FAM219A: variants seen among roughly 807,000 people sequenced by gnomAD.
FAM219A encodes protein FAM219A.
FAM219A carries 7 observed loss-of-function variants against 23.4 expected under a neutral mutation model. The ratio of observed to expected loss-of-function variants is 0.30; its 90% confidence interval spans 0.17 to 0.56. The LOEUF (loss-of-function observed/expected upper bound fraction) is 0.56, where lower values mean the gene tolerates loss of function less well. FAM219A is among the 20% of genes least tolerant of loss of function. FAM219A has a pLI of 0.92. For synonymous variants in FAM219A, 93 were observed against 99.0 expected (o/e 0.94, Z 0.36); for missense variants, 166 against 246.9 (o/e 0.67, Z 2.20).
chr9:34,419,767 T>C lies in FAM219A; in HGVS notation c.61-13803A>G, dbSNP rs575425096. Among the ~76,000 whole-genome samples the C allele has an allele frequency of 5.9e-5, 9 of 152,312 alleles. No individual in the cohort carries two copies. The South Asian group carries it at 1.9e-3, about 32-fold the overall frequency. Reference sequence around the variant, plus strand: ...CTGGCCTGCACTGGTTCATAAATCTTTGGGGCTCCTTGATTTGCAGGAAAG... The same window carrying C: ...CTGGCCTGCACTGGTTCATAAATCTCTGGGGCTCCTTGATTTGCAGGAAAG... On this transcript the variant is annotated intron_variant, in intron 1 of 5. Transcript: ENST00000651358.
chr9:34,455,774 AG>A (rs1039776049), intron 1 of FAM219A, among the ~76,000 whole-genome samples: 3 of 152,328 alleles, frequency 2.0e-5, no homozygotes, highest in African/African-American at 4.8e-5. Context: ...GGGTATTTAA[AG>A]GGTTTTGAGG....
intron 1 of FAM219A, among the ~76,000 whole-genome samples, chr9:34,443,161 GC>G (rs555042865): frequency 5.8e-4 from 88 of 152,222 alleles, no homozygotes; most frequent in African/African-American, 1.8e-3. Flanking sequence ...GCCTCCTCTA[GC>G]CCACTGACAT....
At chr9:34,431,504 T>C (rs1822702165) in intron 1 of FAM219A, among the ~76,000 whole-genome samples, 1 of 152,196 alleles carries the variant, frequency 6.6e-6, no homozygotes, top group South Asian at 2.1e-4. Flanking sequence ...TTTGTTTCCC[T>C]CATAGATACC....
chr9:34,432,683 C>G (rs1399665487), intron 1 of FAM219A, among the ~76,000 whole-genome samples: 1 of 152,182 alleles, frequency 6.6e-6, no homozygotes, highest in Non-Finnish European at 1.5e-5. Flanking sequence ...TCTGACCTCT[C>G]TCTCCAGACC....
At chr9:34,429,345 G>A (rs1468890043) in intron 1 of FAM219A, among the ~76,000 whole-genome samples, 1 of 152,158 alleles carries the variant, frequency 6.6e-6, no homozygotes, top group Non-Finnish European at 1.5e-5. Context: ...ATTCAGAGCA[G>A]GGCTGGTTGA....
chr9:34,428,137 G>A (rs890012418), intron 1 of FAM219A, among the ~76,000 whole-genome samples: 24 of 152,350 alleles, frequency 1.6e-4, no homozygotes, highest in South Asian at 2.1e-4. Flanking sequence ...TTTGGAGGGA[G>A]ATAGGAGTGG....
chr9:34,423,277 G>A (rs1822345337), intron 1 of FAM219A, among the ~76,000 whole-genome samples: 1 of 152,192 alleles, frequency 6.6e-6, no homozygotes, highest in Non-Finnish European at 1.5e-5. Flanking sequence ...GTTTGTATGT[G>A]TACAGGACAG....
chr9:34,442,176 T>A (rs1361275159), intron 1 of FAM219A, among the ~76,000 whole-genome samples: 1 of 152,192 alleles, frequency 6.6e-6, no homozygotes, highest in African/African-American at 2.4e-5. Flanking sequence ...AAAGTTGAAT[T>A]TAAGTCTGAT....
intron 1 of FAM219A, among the ~76,000 whole-genome samples, chr9:34,412,438 A>G (rs1278163307): frequency 6.6e-6 from 1 of 152,248 alleles, no homozygotes; most frequent in Non-Finnish European, 1.5e-5. Context: ...AGGAAAAATC[A>G]GATGAGTTCA....
At chr9:34,427,779 G>C (rs1419032046) in intron 1 of FAM219A, among the ~76,000 whole-genome samples, 2 of 152,140 alleles carry the variant, frequency 1.3e-5, no homozygotes, top group Non-Finnish European at 2.9e-5. Flanking sequence ...GCTCTTTGTA[G>C]GACTACTTCT....
intron 1 of FAM219A, among the ~76,000 whole-genome samples, chr9:34,440,844 C>A (rs13300413): frequency 0.12 from 17,940 of 145,062 alleles, 1,396 homozygotes; most frequent in Non-Finnish European, 0.18. Flanking sequence ...GAGTGAGACT[C>A]GGTCTCAAAA....
intron 1 of FAM219A, among the ~76,000 whole-genome samples, chr9:34,413,914 C>T (rs902897700): frequency 6.6e-6 from 1 of 152,242 alleles, no homozygotes; most frequent in Non-Finnish European, 1.5e-5. Context: ...AAGACCAGCT[C>T]TGTTCCTTAT....
intron 1 of FAM219A, among the ~76,000 whole-genome samples, chr9:34,408,978 G>C (rs1281251546): frequency 6.6e-6 from 1 of 152,256 alleles, no homozygotes; most frequent in Admixed American, 6.5e-5. Flanking sequence ...TTCACAGGAA[G>C]GACAGGGCTA....
chr9:34,416,952 C>T (rs1485814904), intron 1 of FAM219A, among the ~76,000 whole-genome samples: 1 of 151,840 alleles, frequency 6.6e-6, no homozygotes, highest in Non-Finnish European at 1.5e-5. Flanking sequence ...TTCAGCTTCC[C>T]GTGTATCTGG....
chr9:34,405,800 T>C, intron 2 of FAM219A, 65 bp downstream of exon 2: 2 of 1,503,218 alleles, frequency 1.3e-6, no homozygotes, highest in Admixed American at 3.7e-5. Context: ...GGCACCTCAT[T>C]GTAGACCCAG....
chr9:34,442,535 A>G (rs1823215722), intron 1 of FAM219A, among the ~76,000 whole-genome samples: 1 of 152,102 alleles, frequency 6.6e-6, no homozygotes, highest in African/African-American at 2.4e-5. Flanking sequence ...AAATATGAAA[A>G]TTAGGCGGGC....
chr9:34,430,660 CA>C (rs1822660227), intron 1 of FAM219A, among the ~76,000 whole-genome samples: 1 of 121,034 alleles, frequency 8.3e-6, no homozygotes. Context: ...AAAAAAAAGA[CA>C]AAAAACAAAC....
intron 2 of FAM219A, among the ~76,000 whole-genome samples, chr9:34,404,994 T>C (rs1235551867): frequency 6.6e-6 from 1 of 152,220 alleles, no homozygotes; most frequent in Non-Finnish European, 1.5e-5. Context: ...CAGTAATTGT[T>C]GGGCAGCTGG....
intron 1 of FAM219A, among the ~76,000 whole-genome samples, chr9:34,429,326 C>T (rs1016235025): frequency 6.6e-6 from 1 of 152,174 alleles, no homozygotes; most frequent in Admixed American, 6.5e-5. Context: ...GGAAGAGGGC[C>T]TTGCACAAAT....
Sources: gnomAD v4.1 joint callset for allele counts (sites outside exome capture counted in the v4.1 genomes callset) on GRCh38, gnomAD v4.1.1 for gene constraint, MANE v1.5 for transcripts, NCBI Gene and HGNC (gene_info 2026-07-23, HGNC 2026-07-21) for gene names.